CCNT1: variants seen among roughly 807,000 people sequenced by gnomAD.
CCNT1 encodes the protein cyclin-T1.
A neutral mutation model predicts 67.3 loss-of-function variants in CCNT1; 18 were observed. The ratio of observed to expected loss-of-function variants is 0.27; its 90% confidence interval spans 0.18 to 0.40. The LOEUF (loss-of-function observed/expected upper bound fraction) is 0.40, where lower values mean the gene tolerates loss of function less well. Among genes scored for constraint, CCNT1 ranks in the 10% least tolerant of loss-of-function variants. CCNT1 has a pLI of 1.00. For synonymous variants in CCNT1, 333 were observed against 310.3 expected (o/e 1.07, Z -0.77); for missense variants, 744 against 884.9 (o/e 0.84, Z 2.02).
intron 2 of CCNT1, among the ~76,000 whole-genome samples, chr12:48,711,709 G>A (rs1245020516): frequency 6.6e-6 from 1 of 151,790 alleles, no homozygotes; most frequent in African/African-American, 2.4e-5. Context: ...TGCAATCAGA[G>A]CCAGAGCAAA....
rs762250252 is a variant in CCNT1 at position 48,693,005 on chromosome 12, G to GT, written c.*27dup. On this transcript the variant is annotated 3_prime_UTR_variant, in exon 9 of 9. Transcript: ENST00000261900. ...AAAAATTATGTGTTTTTTTAAAGAA[G>GT]TTTTTTTCTCCTCTTCTTTTTCTTT... The GT allele has an allele frequency of 4.8e-5, 68 of 1,405,974 alleles. No individual in the cohort carries two copies. The highest frequency in any genetic ancestry group is 6.0e-5 in the Non-Finnish European group (63 of 1,044,286). The allele number at this position is 1,405,974 out of a possible 1,614,324, so 87.1% of individuals were successfully genotyped here. A position where few individuals can be genotyped will look rare whatever the true frequency, so the allele number is the denominator to read the frequency against.
At chr12:48,701,831 C>T (rs1173452632) in intron 3 of CCNT1, among the ~76,000 whole-genome samples, 3 of 151,928 alleles carry the variant, frequency 2.0e-5, no homozygotes, top group Non-Finnish European at 4.4e-5. Flanking sequence ...GTCTCAAACC[C>T]CCAACCTCAG....
chr12:48,703,357 T>G (rs964879984), intron 3 of CCNT1, among the ~76,000 whole-genome samples: 2 of 151,528 alleles, frequency 1.3e-5, no homozygotes, highest in African/African-American at 4.9e-5. Flanking sequence ...GTGGATAACC[T>G]CAGGTCAGGA....
chr12:48,701,188 G>A (rs979779754), intron 3 of CCNT1, 115 bp from the exon 4 acceptor site: 3 of 407,942 alleles, frequency 7.4e-6, no homozygotes, highest in Non-Finnish European at 1.4e-5. Flanking sequence ...AGTGGAGTTA[G>A]GAGGTAGAGT....
chr12:48,711,121 C>G (rs1265494701), intron 2 of CCNT1, among the ~76,000 whole-genome samples: 1 of 151,618 alleles, frequency 6.6e-6, no homozygotes, highest in Non-Finnish European at 1.5e-5. Context: ...GTGGCTCACA[C>G]CTGTAATCCC....
rs1940062555 is a variant in CCNT1, at chr12:48,690,933, A to C, written c.*2100T>G. Reference sequence around the variant, plus strand: ...ACTAAATGGCACATTCCCTTTTGGAAACAGACTCCAACAAACAAAATCTAA... The same window carrying C: ...ACTAAATGGCACATTCCCTTTTGGACACAGACTCCAACAAACAAAATCTAA... On this transcript the variant is annotated 3_prime_UTR_variant, in exon 9 of 9. Coordinates refer to ENST00000261900, the MANE Select transcript of CCNT1 (RefSeq NM_001240.4). The C allele has an allele frequency of 6.6e-6, 1 of 152,256 alleles. No individual in the cohort carries two copies. Among genetic ancestry groups the C allele is most frequent in the Non-Finnish European group, 1.5e-5 (1 of 68,050 alleles). The allele number at this position is 152,256 out of a possible 1,614,324, so 9.4% of individuals were successfully genotyped here.
At chr12:48,700,318 C>CAAAAAAAA (rs372908471) in intron 4 of CCNT1, among the ~76,000 whole-genome samples, 3 of 82,158 alleles carry the variant, frequency 3.7e-5, no homozygotes, top group Non-Finnish European at 6.7e-5. Context: ...GACTCCGTCT[C>CAAAAAAAA]AAAAAAAAAA....
intron 6 of CCNT1, among the ~76,000 whole-genome samples, chr12:48,697,534 A>AATATATATATATATATAT (rs771889041): frequency 5.4e-5 from 7 of 130,690 alleles, no homozygotes; most frequent in African/African-American, 2.1e-4. Flanking sequence ...AAAAAAAAAA[A>AATATATATATATATATAT]ATATATATAT....
rs1388182990 is a variant in CCNT1, at chr12:48,695,302, T to C, written c.777+457A>G. ...AAGGAATGATTCCATTATTCCTGAA[T>C]AAGGCTTTGACAAGTATTTGAAATA... On this transcript the variant is annotated intron_variant, in intron 8 of 8. Coordinates refer to ENST00000261900, the MANE Select transcript of CCNT1 (RefSeq NM_001240.4). 4.6e-5 allele frequency among the ~76,000 whole-genome samples: 7 copies of C among 152,364 alleles called. 1 individual carries two copies. Among genetic ancestry groups the C allele is most frequent in the South Asian group, 2.1e-4 (1 of 4,826 alleles).
chr12:48,693,056 G>A lies in CCNT1; in HGVS notation c.2158C>T (p.Pro720Ser). Residue 720 changes from proline (P) to serine (S), a missense_variant, in exon 9 of 9, where the codon CCA becomes TCA. Physicochemically the swap from Pro to Ser is moderately conservative, Grantham distance 74 (BLOSUM62 -1). Transcript: ENST00000261900. ...TTTTACTTAGGAAGGGGTGGAAGTGGTGGAGGAGGTTCTGATGGCAGAGGT... is the reference window on the plus strand; with the variant it reads ...TTTTACTTAGGAAGGGGTGGAAGTGATGGAGGAGGTTCTGATGGCAGAGGT... ...PPPLPSEPPP[P>S]LPPLPK 1.2e-6 allele frequency: 2 copies of A among 1,605,488 alleles called. No individual in the cohort carries two copies. The highest frequency in any genetic ancestry group is 1.7e-6 in the Non-Finnish European group (2 of 1,172,932).
chr12:48,714,711 C>G (rs1238182639), intron 1 of CCNT1, among the ~76,000 whole-genome samples, 187 bp from the exon 2 acceptor site: 1 of 152,228 alleles, frequency 6.6e-6, no homozygotes, highest in Non-Finnish European at 1.5e-5. Context: ...CCAACTGACA[C>G]TTAGCACAAT....
In CCNT1 at chr12:48,690,932, A is replaced by G. The variant is rs1309595314; in HGVS notation, c.*2101T>C. The G allele has an allele frequency of 1.3e-5, 2 of 152,252 alleles. No homozygotes were observed. Among genetic ancestry groups the G allele is most frequent in the African/African-American group, 4.8e-5 (2 of 41,466 alleles). The allele number at this position is 152,252 out of a possible 1,614,324, so 9.4% of individuals were successfully genotyped here. A position where few individuals can be genotyped will look rare whatever the true frequency, so the allele number is the denominator to read the frequency against. ...GACTAAATGGCACATTCCCTTTTGG[A>G]AACAGACTCCAACAAACAAAATCTA... On this transcript the variant is annotated 3_prime_UTR_variant, in exon 9 of 9. Coordinates refer to ENST00000261900, the MANE Select transcript of CCNT1 (RefSeq NM_001240.4).
At chr12:48,715,171 T>C (rs980661389) in intron 1 of CCNT1, among the ~76,000 whole-genome samples, 1 of 152,162 alleles carries the variant, frequency 6.6e-6, no homozygotes, top group African/African-American at 2.4e-5. Context: ...TGCACTGAAA[T>C]AGAATTTCGA....
chr12:48,698,364 T>A (rs921849054), intron 5 of CCNT1, among the ~76,000 whole-genome samples, 181 bp from the exon 6 acceptor site: 1 of 152,200 alleles, frequency 6.6e-6, no homozygotes, highest in Admixed American at 6.5e-5. Flanking sequence ...GACAGATCAA[T>A]GATTTTTAAT....
chr12:48,708,511 C>T (rs1428002565), intron 2 of CCNT1, among the ~76,000 whole-genome samples: 7 of 151,418 alleles, frequency 4.6e-5, no homozygotes, highest in African/African-American at 1.7e-4. Context: ...CACGCCATTG[C>T]ACTCCAACCT....
chr12:48,700,348 G>T (rs1382779937), intron 4 of CCNT1, among the ~76,000 whole-genome samples: 1 of 148,596 alleles, frequency 6.7e-6, no homozygotes, highest in African/African-American at 2.5e-5. Flanking sequence ...AAAGAAAAAA[G>T]TTAACTAGAA....
rs1317135713 is a variant in CCNT1, at chr12:48,693,527, T to C, written c.1687A>G (p.Ser563Gly). 2 of 1,614,076 alleles carry C rather than the reference T, an allele frequency of 1.2e-6. No homozygotes were observed. Among genetic ancestry groups the C allele is most frequent in the Non-Finnish European group, 8.5e-7 (1 of 1,180,028 alleles). The change falls in exon 9 of 9, where the codon AGT becomes GGT. Residue 563 changes from serine (S) to glycine (G), a missense_variant. Transcript: ENST00000261900. ...GTAGAACTGGAAGAGGAAAAAGAAC[T>C]AGACAAGCTATAGGTTTTATGTGCT... ...NLAHKTYSLS[S>G]SFSSSSSTRK... is the part of the protein sequence containing the mutation.
At chr12:48,710,359 AT>A (rs1480026502) in intron 2 of CCNT1, among the ~76,000 whole-genome samples, 1 of 152,244 alleles carries the variant, frequency 6.6e-6, no homozygotes, top group Non-Finnish European at 1.5e-5. Context: ...TAGAATTAGT[AT>A]GTTAAAAGGT....
At chr12:48,697,061 T>G (rs1703686497) in intron 6 of CCNT1, among the ~76,000 whole-genome samples, 1 of 152,104 alleles carries the variant, frequency 6.6e-6, no homozygotes, top group Admixed American at 6.6e-5. Context: ...CTCGAACTCC[T>G]AGCCTCAAGT....
Sources: gnomAD v4.1 joint callset for allele counts (sites outside exome capture counted in the v4.1 genomes callset) on GRCh38, gnomAD v4.1.1 for gene constraint, MANE v1.5 for transcripts, NCBI Gene and HGNC (gene_info 2026-07-23, HGNC 2026-07-21) for gene names.